MECOM: variants seen among roughly 807,000 people sequenced by gnomAD.
MECOM encodes the protein MDS1 and EVI1 complex locus, also known as histone-lysine N-methyltransferase MECOM.
Under a neutral mutation model 116.3 loss-of-function variants are expected in MECOM, and 13 were observed. That is an observed-to-expected ratio of 0.11 (90% CI 0.07 to 0.18). The LOEUF (loss-of-function observed/expected upper bound fraction) is 0.18. MECOM is among the 10% of genes least tolerant of loss of function. The pLI, the probability that MECOM is intolerant of heterozygous loss-of-function variation, is 1.00. For synonymous variants in MECOM, 528 were observed against 535.2 expected (o/e 0.99, Z 0.19); for missense variants, 1,299 against 1,509.0 (o/e 0.86, Z 2.31).
chr3:169,407,061 C>A (rs1736825960), intron 1 of MECOM, among the ~76,000 whole-genome samples: 1 of 151,956 alleles, frequency 6.6e-6, no homozygotes, highest in Non-Finnish European at 1.5e-5. Context: ...CTTGGCCAAG[C>A]TGGTCTTGAA....
At position 169,494,347 on chromosome 3, in the gene MECOM, C is replaced by T. The variant is rs142803031; in HGVS notation, c.38-112823G>A. 3.4e-3 allele frequency among the ~76,000 whole-genome samples: 524 copies of T among 152,170 alleles called. 3 individuals are homozygous for T. Among genetic ancestry groups the T allele is most frequent in the African/African-American group, 0.012 (498 of 41,538 alleles). On this transcript the variant is annotated intron_variant, in intron 1 of 16. Transcript: ENST00000651503. Reference sequence around the variant, plus strand: ...CTGCCCAGTTCTTCCTCTCTGGCTCCCAAGGGCGTAAGGCAGCCCAAATAC... The same window carrying T: ...CTGCCCAGTTCTTCCTCTCTGGCTCTCAAGGGCGTAAGGCAGCCCAAATAC...
chr3:169,657,488 G>A (rs1457346804), intron 1 of MECOM, among the ~76,000 whole-genome samples: 1 of 152,300 alleles, frequency 6.6e-6, no homozygotes, highest in East Asian at 1.9e-4. Context: ...GACACACAAT[G>A]AGTTTATTTA....
intron 2 of MECOM, among the ~76,000 whole-genome samples, chr3:169,243,337 G>A (rs1362273053): frequency 6.6e-6 from 1 of 152,112 alleles, no homozygotes; most frequent in Non-Finnish European, 1.5e-5. Context: ...AGGGCAGCTG[G>A]TTAAAGCTGA....
rs772457405 is a variant in MECOM, at chr3:169,127,924, G to C, written c.750C>G (p.Leu250=). The C allele has an allele frequency of 2.5e-6, 4 of 1,613,854 alleles. No homozygotes were observed. Among genetic ancestry groups the C allele is most frequent in the Non-Finnish European group, 3.4e-6 (4 of 1,179,932 alleles). ...TCTCTTGGAGATCATTCTCGCTTTC[G>C]AGTTTTTGCTGAAAGTCCTCTTCAA... ...SMVEEDFQQK[L]ESENDLQEIH... is the part of the protein sequence containing the mutation. The change falls in exon 5 of 17, where the codon CTC becomes CTG. Residue 250 remains leucine (L), a synonymous_variant. Coordinates refer to ENST00000651503, the MANE Select transcript of MECOM (RefSeq NM_004991.4).
chr3:169,151,083 T>C (rs995258659), intron 2 of MECOM, among the ~76,000 whole-genome samples: 5 of 152,212 alleles, frequency 3.3e-5, no homozygotes, highest in Admixed American at 3.3e-4. Flanking sequence ...CCCACAAGAC[T>C]GTAAACTGAT....
intron 2 of MECOM, among the ~76,000 whole-genome samples, chr3:169,331,856 T>C (rs1254795255): frequency 2.6e-5 from 4 of 152,104 alleles, no homozygotes; most frequent in Non-Finnish European, 5.9e-5. Context: ...TTTTCTGTAA[T>C]CCTCAAAGAG....
intron 1 of MECOM, among the ~76,000 whole-genome samples, chr3:169,385,291 G>A (rs1192807578): frequency 6.6e-6 from 1 of 152,062 alleles, no homozygotes; most frequent in African/African-American, 2.4e-5. Context: ...AGAAGAATTT[G>A]AATTTAAAGC....
chr3:169,302,063 T>A (rs1379330151), intron 2 of MECOM, among the ~76,000 whole-genome samples: 2 of 152,192 alleles, frequency 1.3e-5, no homozygotes, highest in Non-Finnish European at 1.5e-5. Context: ...TCCCTCTAGG[T>A]TATCAAATAT....
chr3:169,262,473 T>G (rs1757686258), intron 2 of MECOM, among the ~76,000 whole-genome samples: 1 of 152,188 alleles, frequency 6.6e-6, no homozygotes, highest in Admixed American at 6.5e-5. Flanking sequence ...AATTCCTACA[T>G]TTACTCATCT....
chr3:169,431,317 G>A (rs2051076), intron 1 of MECOM, among the ~76,000 whole-genome samples: 15,718 of 152,118 alleles, frequency 0.1, 1,092 homozygotes, highest in East Asian at 0.23. Context: ...AGCTTGTGGC[G>A]AGAGGCTGGG....
At chr3:169,147,425 C>G in intron 2 of MECOM, 4 of 985,432 alleles carry the variant, frequency 4.1e-6, no homozygotes, top group Non-Finnish European at 4.8e-6. Flanking sequence ...AGAAAGAACC[C>G]GGGGCGAGGG....
At chr3:169,134,596 T>C (rs1048863811) in intron 3 of MECOM, among the ~76,000 whole-genome samples, 2 of 152,202 alleles carry the variant, frequency 1.3e-5, no homozygotes, top group Non-Finnish European at 2.9e-5. Flanking sequence ...CGAAGTTCCA[T>C]TTGCCATACC....
At chr3:169,190,240 G>C (rs1404830203) in intron 2 of MECOM, among the ~76,000 whole-genome samples, 1 of 151,928 alleles carries the variant, frequency 6.6e-6, no homozygotes, top group East Asian at 1.9e-4. Flanking sequence ...CAGGACTCAA[G>C]GTATTTTAAA....
intron 1 of MECOM, among the ~76,000 whole-genome samples, chr3:169,486,780 T>G (rs1752433385): frequency 6.6e-6 from 1 of 152,044 alleles, no homozygotes; most frequent in East Asian, 1.9e-4. Flanking sequence ...AAATGTAGGC[T>G]CTACAAGATT....
At chr3:169,156,632 G>A (rs955387193) in intron 2 of MECOM, among the ~76,000 whole-genome samples, 5 of 152,096 alleles carry the variant, frequency 3.3e-5, no homozygotes, top group African/African-American at 4.8e-5. Context: ...TTGAGTACAC[G>A]GCCTGAGAAC....
intron 2 of MECOM, among the ~76,000 whole-genome samples, chr3:169,300,803 C>T (rs951782410): frequency 6.6e-6 from 1 of 152,194 alleles, no homozygotes; most frequent in African/African-American, 2.4e-5. Context: ...GAGGAGAGTA[C>T]AACAGAGCTA....
At position 169,663,534 on chromosome 3, in the gene MECOM, C is replaced by T. The variant is rs931018840; in HGVS notation, c.-162G>A. 145 of 614,132 alleles carry T rather than the reference C, an allele frequency of 2.4e-4. 1 individual carries two copies. The highest frequency in any genetic ancestry group is 4.5e-4 in the Middle Eastern group (1 of 2,206). 38.0% of individuals were successfully genotyped at this position (614,132 alleles called of 1,614,324 possible). A position where few individuals can be genotyped will look rare whatever the true frequency, so the allele number is the denominator to read the frequency against. On this transcript the variant is annotated 5_prime_UTR_variant, in exon 1 of 17. Transcript: ENST00000651503. ...TCTCTCTCTCTCTCTCTCTCTCCCT[C>T]CCTCCTGTTTCTCTCCTGTTTCTCT...
intron 1 of MECOM, among the ~76,000 whole-genome samples, chr3:169,504,150 A>AGTGTGTGTGT (rs3044764): frequency 0.1 from 13,260 of 132,406 alleles, 827 homozygotes; most frequent in Admixed American, 0.16. Context: ...GAAAAAGAGA[A>AGTGTGTGTGT]GTGTGTGTGT....
At position 169,083,528 on chromosome 3, in the gene MECOM, T is replaced by G. The variant is rs1004309663; in HGVS notation, c.*1381A>C. Reference sequence around the variant, plus strand: ...ATACTCCTTTTTGTAAGTCTTTATTTTTTAGTTGCTCCTCCCATAGTAATG... The same window carrying G: ...ATACTCCTTTTTGTAAGTCTTTATTGTTTAGTTGCTCCTCCCATAGTAATG... On this transcript the variant is annotated 3_prime_UTR_variant, in exon 17 of 17. Coordinates refer to ENST00000651503, the MANE Select transcript of MECOM (RefSeq NM_004991.4). The G allele has an allele frequency of 1.6e-5, 3 of 182,604 alleles. No homozygotes were observed. The highest frequency in any genetic ancestry group is 7.1e-5 in the African/African-American group (3 of 42,544). 11.3% of individuals were successfully genotyped at this position (182,604 alleles called of 1,614,324 possible). A position where few individuals can be genotyped will look rare whatever the true frequency, so the allele number is the denominator to read the frequency against.
Sources: gnomAD v4.1 joint callset for allele counts (sites outside exome capture counted in the v4.1 genomes callset) on GRCh38, gnomAD v4.1.1 for gene constraint, MANE v1.5 for transcripts, NCBI Gene and HGNC (gene_info 2026-07-23, HGNC 2026-07-21) for gene names.